ZBED6: variants seen among roughly 807,000 people sequenced by gnomAD.
ZBED6 encodes the protein zinc finger BED-type containing 6.
ZBED6 carries 40 observed loss-of-function variants against 58.4 expected under a neutral mutation model. That is an observed-to-expected ratio of 0.68 (90% CI 0.53 to 0.89). The LOEUF is 0.89. ZBED6 is among the 40% of genes least tolerant of loss of function. ZBED6 has a pLI of 0.00. For missense variants in ZBED6, 1,057 were observed against 1,003.9 expected, an observed-to-expected ratio of 1.05 and a Z score of -0.71; for synonymous variants, 439 against 350.6, an observed-to-expected ratio of 1.25 and a Z score of -2.82.
At chr1:203,819,079 T>C (rs1170105028) in intron 3 of ZBED6, among the ~76,000 whole-genome samples, 1 of 60,020 alleles carries the variant, frequency 1.7e-5, no homozygotes, top group East Asian at 3.0e-4. Flanking sequence ...AAAAAAAAAA[T>C]ATATATATAT....
exon 1 of ZBED6, chr1:203,798,828 T>C (rs1229663468): frequency 1.3e-6 from 2 of 1,535,886 alleles, no homozygotes; most frequent in African/African-American, 1.4e-5. Context: ...CTTTCAGAGG[T>C]TCATGCAGAT....
At chr1:203,806,818 C>T (rs1389653866) in intron 1 of ZBED6, among the ~76,000 whole-genome samples, 1 of 136,234 alleles carries the variant, frequency 7.3e-6, no homozygotes, top group Admixed American at 8.3e-5. Flanking sequence ...GTGGATATTG[C>T]ACCTCAGGTT....
intron 11 of ZBED6, among the ~76,000 whole-genome samples, chr1:203,845,577 T>A (rs549929400): frequency 6.6e-6 from 1 of 152,242 alleles, no homozygotes; most frequent in African/African-American, 2.4e-5. Flanking sequence ...CAGTTGAAAC[T>A]AACCAGGCCT....
intron 12 of ZBED6, 59 bp from the exon 13 acceptor site, chr1:203,848,272 T>A: frequency 7.2e-7 from 1 of 1,393,622 alleles, no homozygotes; most frequent in East Asian, 2.3e-5. Flanking sequence ...GTTTAACATA[T>A]CTATCATGAA....
Position 203,812,476 on chromosome 1 carries a change from A to G in ZBED6, c.*2555-4450A>G, listed in dbSNP as rs532011070. On this transcript the variant is annotated intron_variant, in intron 1 of 16. Transcript: ENST00000550078. ...GATTTTGTTCCTTTTTATTGGATGC[A>G]TACTATTCCATGTTTTGTGTTTTTT... is the stretch of plus-strand genomic sequence containing the variant. Among the ~76,000 whole-genome samples, 9 of 152,010 alleles carry G rather than the reference A, an allele frequency of 5.9e-5. No individual in the cohort carries two copies. The South Asian group carries it at 1.9e-3, about 32-fold the overall frequency.
In ZBED6 at chr1:203,798,660, GA is replaced by G; in HGVS notation, c.1141del (p.Ser381ValfsTer11). On this transcript the variant is annotated frameshift_variant, in exon 1 of 17. Coordinates refer to ENST00000550078, the Ensembl canonical transcript of ZBED6. LOFTEE classifies it high-confidence loss of function. ...TATGTTAGAGGTTGAAAACAGATCT[GA>G]AAGTCCTATTCCCGTTGCAGAGCAA... 1 of 1,536,142 alleles carries G rather than the reference GA, an allele frequency of 6.5e-7. No homozygotes were observed. The highest frequency in any genetic ancestry group is 8.7e-7 in the Non-Finnish European group (1 of 1,146,916).
chr1:203,819,326 A>G (rs1167237372), intron 3 of ZBED6, among the ~76,000 whole-genome samples: 11 of 143,396 alleles, frequency 7.7e-5, no homozygotes, highest in South Asian at 4.5e-4. Flanking sequence ...GGTTCAAGCG[A>G]TTCTCCTGCC....
At chr1:203,847,470 A>G (rs1688201370) in exon 12 of ZBED6, 1 of 1,613,966 alleles carries the variant, frequency 6.2e-7, no homozygotes, top group Non-Finnish European at 8.5e-7. Flanking sequence ...TTAAAAAAAC[A>G]GTAGTTTTGC....
chr1:203,797,841 C>G, exon 1 of ZBED6: 2 of 1,535,980 alleles, frequency 1.3e-6, no homozygotes, highest in East Asian at 2.4e-5. Context: ...TTCCAATGAC[C>G]CTGAGCAGGA....
At chr1:203,812,879 A>G (rs1674996410) in intron 1 of ZBED6, among the ~76,000 whole-genome samples, 1 of 152,028 alleles carries the variant, frequency 6.6e-6, no homozygotes, top group South Asian at 2.1e-4. Context: ...ACTGTGCCCA[A>G]ATGGATTTTA....
chr1:203,844,153 G>A (rs1320259077), intron 11 of ZBED6, among the ~76,000 whole-genome samples: 1 of 151,684 alleles, frequency 6.6e-6, no homozygotes, highest in Non-Finnish European at 1.5e-5. Flanking sequence ...CACTGTGCCC[G>A]CCTTTATTTT....
intron 11 of ZBED6, among the ~76,000 whole-genome samples, chr1:203,846,215 A>G (rs958813124): frequency 6.8e-6 from 1 of 147,436 alleles, no homozygotes; most frequent in Non-Finnish European, 1.5e-5. Context: ...TATGTGTATG[A>G]TCTCCAAATT....
At chr1:203,799,694 G>A in exon 1 of ZBED6, 1 of 713,168 alleles carries the variant, frequency 1.4e-6, no homozygotes, top group Admixed American at 2.0e-5. Flanking sequence ...TTTCCCTGCA[G>A]AAACTCAGAG....
At chr1:203,844,012 C>A (rs560208376) in intron 11 of ZBED6, among the ~76,000 whole-genome samples, 1 of 151,966 alleles carries the variant, frequency 6.6e-6, no homozygotes, top group Non-Finnish European at 1.5e-5. Context: ...CATGCGCTAC[C>A]ACGCCCGGCT....
chr1:203,800,840 A>G (rs2102414431), exon 1 of ZBED6: 1 of 157,706 alleles, frequency 6.3e-6, no homozygotes, highest in South Asian at 2.0e-4. Context: ...GAAATGAGAA[A>G]AAAGTACACT....
In ZBED6 at chr1:203,818,695, T is replaced by A; in HGVS notation, c.*2873+6T>A. 6.2e-7 allele frequency: 1 copy of A among 1,614,028 alleles called. No individual in the cohort carries two copies. Among genetic ancestry groups the A allele is most frequent in the Non-Finnish European group, 8.5e-7 (1 of 1,179,994 alleles). On this transcript the variant is annotated splice_donor_region_variant and intron_variant, in intron 3 of 16. Coordinates refer to ENST00000550078, the Ensembl canonical transcript of ZBED6. ...TTCGGCACATGGAGATTGATGTAAG[T>A]TTTTTATTTCCGTTATCATAATAAG...
At chr1:203,820,482 G>GTGTGTGTGTGTGTGTGTGTGTGTGTGTA (rs1266406820) in intron 3 of ZBED6, among the ~76,000 whole-genome samples, 2 of 151,852 alleles carry the variant, frequency 1.3e-5, no homozygotes, top group Non-Finnish European at 2.9e-5. Context: ...GTGTGTGTGT[G>GTGTGTGTGTGTGTGTGTGTGTGTGTGTA]TATATTTTGA....
At chr1:203,836,109 A>G (rs936649990) in intron 9 of ZBED6, among the ~76,000 whole-genome samples, 7 of 152,332 alleles carry the variant, frequency 4.6e-5, no homozygotes, top group African/African-American at 1.4e-4. Context: ...TAAGCCAGGT[A>G]TGGTGGTGCA....
At chr1:203,809,172 G>T (rs1378504081) in intron 1 of ZBED6, among the ~76,000 whole-genome samples, 27 of 83,252 alleles carry the variant, frequency 3.2e-4, no homozygotes, top group East Asian at 1.2e-3. Context: ...TCTTCTCACT[G>T]TTTTTTTTTT....
Sources: gnomAD v4.1 joint callset for allele counts (sites outside exome capture counted in the v4.1 genomes callset) on GRCh38, gnomAD v4.1.1 for gene constraint, MANE v1.5 for transcripts, NCBI Gene and HGNC (gene_info 2026-07-23, HGNC 2026-07-21) for gene names.